The following ABCC12 variants were observed in gnomAD, a reference collection of about 807,000 sequenced individuals.
ABCC12 encodes ATP-binding cassette sub-family C member 12.
Under a neutral mutation model 151.1 loss-of-function variants are expected in ABCC12, and 142 were observed. The observed-to-expected ratio is 0.94, with a 90% CI of 0.82 to 1.08. The LOEUF (loss-of-function observed/expected upper bound fraction) is 1.08, where lower values mean the gene tolerates loss of function less well. ABCC12 is among the 50% of genes least tolerant of loss of function. ABCC12 has a pLI of 0.00. For missense variants in ABCC12, 1,638 were observed against 1,691.1 expected (o/e 0.97, Z 0.55); for synonymous variants, 645 against 646.4 (o/e 1.00, Z 0.03).
At chr16:48,085,779 C>T (rs1390804188) in intron 28 of ABCC12, 73 bp from the exon 29 acceptor site, 4 of 1,221,320 alleles carry the variant, frequency 3.3e-6, no homozygotes, top group Admixed American at 1.7e-5. Context: ...GTATTGATTG[C>T]CCCCTTCTCT....
At chr16:48,096,651 G>A (rs2150593825) in intron 24 of ABCC12, 95 bp downstream of exon 24, 2 of 1,288,878 alleles carry the variant, frequency 1.6e-6, no homozygotes, top group Non-Finnish European at 2.2e-6. Context: ...ACCCATTCGA[G>A]TTGGGGTTTT....
At chr16:48,147,843 G>A (rs74018294) in intron 2 of ABCC12, among the ~76,000 whole-genome samples, 4,935 of 152,284 alleles carry the variant, frequency 0.032, 250 homozygotes, top group African/African-American at 0.11. Context: ...ATCCCCCAAC[G>A]TGGAAACTGA....
chr16:48,126,986 G>C (rs1348739681), intron 11 of ABCC12, among the ~76,000 whole-genome samples: 1 of 152,176 alleles, frequency 6.6e-6, no homozygotes, highest in Non-Finnish European at 1.5e-5. Flanking sequence ...GCGGGGGGAA[G>C]TCAGGTGCTC....
At chr16:48,125,661 T>C (rs1964215947) in intron 11 of ABCC12, among the ~76,000 whole-genome samples, 1 of 152,144 alleles carries the variant, frequency 6.6e-6, no homozygotes, top group East Asian at 1.9e-4. Flanking sequence ...CTGAGAACAT[T>C]CTCATGTAGG....
intron 27 of ABCC12, 161 bp downstream of exon 27, chr16:48,087,765 C>G: frequency 1.4e-6 from 1 of 704,098 alleles, no homozygotes. Flanking sequence ...AGGCTGGATG[C>G]AGAAACAGGG....
chr16:48,114,006 G>A (rs1460396210), intron 15 of ABCC12, among the ~76,000 whole-genome samples: 1 of 152,130 alleles, frequency 6.6e-6, no homozygotes, highest in Admixed American at 6.5e-5. Flanking sequence ...CATCCAGACT[G>A]GGCCAGAGCC....
chr16:48,141,225 A>G lies in ABCC12; in HGVS notation c.404T>C (p.Ile135Thr). The G allele has an allele frequency of 1.2e-6, 2 of 1,614,088 alleles. No homozygotes were observed. Among genetic ancestry groups the G allele is most frequent in the Non-Finnish European group, 1.7e-6 (2 of 1,179,986 alleles). The change falls in exon 5 of 31, where the codon ATC becomes ACC. Residue 135 changes from isoleucine (I) to threonine (T), a missense_variant. Coordinates refer to ENST00000311303, the MANE Select transcript of ABCC12 (RefSeq NM_001393797.1). Reference protein sequence around the residue: ...MDIVANILCIIMAAIGPTVLI... With the variant: ...MDIVANILCITMAAIGPTVLI... Reference sequence around the variant, plus strand: ...ACTCACCGGCCCTATGGCTGCCATGATGATGCACAGGATGTTGGCCACGAT... The same window carrying G: ...ACTCACCGGCCCTATGGCTGCCATGGTGATGCACAGGATGTTGGCCACGAT...
chr16:48,099,521 A>G (rs1317887654), intron 23 of ABCC12, among the ~76,000 whole-genome samples: 1 of 152,254 alleles, frequency 6.6e-6, no homozygotes, highest in Non-Finnish European at 1.5e-5. Context: ...TAAGGAAGGA[A>G]AAGACAGAAA....
intron 23 of ABCC12, among the ~76,000 whole-genome samples, chr16:48,097,339 G>A (rs1963136980): frequency 6.6e-6 from 1 of 152,056 alleles, no homozygotes; most frequent in Non-Finnish European, 1.5e-5. Context: ...GTGGGGGTGG[G>A]TTGTGGAGGA....
At chr16:48,150,590 T>C (rs774246984) in intron 2 of ABCC12, among the ~76,000 whole-genome samples, 3 of 152,128 alleles carry the variant, frequency 2.0e-5, no homozygotes, top group Non-Finnish European at 4.4e-5. Flanking sequence ...AATAATATAT[T>C]TTATTTAATA....
chr16:48,139,444 C>T lies in ABCC12; in HGVS notation c.658-108G>A, dbSNP rs11866939. The T allele has an allele frequency of 1.4e-3, 1,738 of 1,258,734 alleles. 11 individuals carry two copies. In the African/African-American group the frequency reaches 0.023, roughly 17 times the overall value. 78.0% of individuals were successfully genotyped at this position (1,258,734 alleles called of 1,614,324 possible). A position where few individuals can be genotyped will look rare whatever the true frequency, so the allele number is the denominator to read the frequency against. Reference sequence around the variant, plus strand: ...GGGATCTAGGGAGAAAGGAGAAAAACTTCTCTAAAGCAGGAAGGGGTCACC... The same window carrying T: ...GGGATCTAGGGAGAAAGGAGAAAAATTTCTCTAAAGCAGGAAGGGGTCACC... On this transcript the variant is annotated intron_variant, in intron 6 of 30. Transcript: ENST00000311303.
chr16:48,128,379 T>A, intron 11 of ABCC12, 80 bp downstream of exon 11: 1 of 1,552,200 alleles, frequency 6.4e-7, no homozygotes, highest in Non-Finnish European at 8.7e-7. Flanking sequence ...CTAACTGAAC[T>A]GTATCAGACC....
intron 9 of ABCC12, among the ~76,000 whole-genome samples, chr16:48,132,954 C>A (rs1202453813): frequency 6.6e-6 from 1 of 152,162 alleles, no homozygotes; most frequent in East Asian, 1.9e-4. Context: ...TGGATTTAAA[C>A]AAGGCAGACT....
chr16:48,106,045 T>C (rs552432291), intron 20 of ABCC12, among the ~76,000 whole-genome samples: 2 of 152,192 alleles, frequency 1.3e-5, no homozygotes, highest in Non-Finnish European at 2.9e-5. Flanking sequence ...CCCTGAGAAA[T>C]TGGCAGTTTC....
intron 24 of ABCC12, among the ~76,000 whole-genome samples, chr16:48,092,277 G>A (rs116545400): frequency 6.6e-6 from 1 of 152,232 alleles, no homozygotes; most frequent in African/African-American, 2.4e-5. Flanking sequence ...ATGGAGGAGT[G>A]AGCAGGGGAA....
rs1965147849 is a variant in ABCC12 at position 48,153,800 on chromosome 16, C to T, written c.-235G>A. On this transcript the variant is annotated 5_prime_UTR_variant, in exon 2 of 31. Coordinates refer to ENST00000311303, the MANE Select transcript of ABCC12 (RefSeq NM_001393797.1). ...TGCTAGAAGGTAATTTCCTTGAGTG[C>T]TCCCCAGGGCATGTGAAGTTTTGAT... 6.6e-6 allele frequency: 1 copy of T among 152,204 alleles called. No individual in the cohort carries two copies. Among genetic ancestry groups the T allele is most frequent in the Non-Finnish European group, 1.5e-5 (1 of 68,042 alleles). 9.4% of individuals were successfully genotyped at this position (152,204 alleles called of 1,614,324 possible).
intron 10 of ABCC12, among the ~76,000 whole-genome samples, chr16:48,129,038 G>C (rs1964334923): frequency 6.6e-6 from 1 of 152,114 alleles, no homozygotes; most frequent in African/African-American, 2.4e-5. Flanking sequence ...CCAGTCTTTG[G>C]GCAGTGGACT....
At chr16:48,090,241 T>A (rs1962821281) in intron 25 of ABCC12, among the ~76,000 whole-genome samples, 1 of 152,050 alleles carries the variant, frequency 6.6e-6, no homozygotes. Flanking sequence ...CTTAAAAAAA[T>A]TTTAGAGTCA....
intron 28 of ABCC12, 116 bp from the exon 29 acceptor site, chr16:48,085,822 C>G (rs1962571501): frequency 3.7e-6 from 3 of 817,864 alleles, no homozygotes; most frequent in East Asian, 5.1e-5. Context: ...TTTACTGTGG[C>G]AAAGAAAGTG....
Sources: gnomAD v4.1 joint callset for allele counts (sites outside exome capture counted in the v4.1 genomes callset) on GRCh38, gnomAD v4.1.1 for gene constraint, MANE v1.5 for transcripts, NCBI Gene and HGNC (gene_info 2026-07-23, HGNC 2026-07-21) for gene names.